PRDM5: variants seen among roughly 807,000 people sequenced by gnomAD.
PRDM5 encodes PR domain zinc finger protein 5.
Under a neutral mutation model 81.2 loss-of-function variants are expected in PRDM5, and 56 were observed. The ratio of observed to expected loss-of-function variants is 0.69; its 90% confidence interval spans 0.56 to 0.86. The LOEUF is 0.86. PRDM5 is among the 40% of genes least tolerant of loss of function. PRDM5 has a pLI of 0.00. For synonymous variants in PRDM5, 267 were observed against 256.4 expected (o/e 1.04, Z -0.39); for missense variants, 697 against 770.1 (o/e 0.91, Z 1.12).
At chr4:120,806,418 T>G (rs999412310) in intron 8 of PRDM5, among the ~76,000 whole-genome samples, 4 of 152,200 alleles carry the variant, frequency 2.6e-5, no homozygotes, top group Non-Finnish European at 5.9e-5. Flanking sequence ...AGAACAAAGC[T>G]GGAGGCATCA....
intron 13 of PRDM5, among the ~76,000 whole-genome samples, chr4:120,769,476 A>G (rs1746914533): frequency 6.6e-6 from 1 of 152,194 alleles, no homozygotes; most frequent in Non-Finnish European, 1.5e-5. Context: ...GCAGCCTGGA[A>G]TGTAAACAGT....
intron 7 of PRDM5, among the ~76,000 whole-genome samples, chr4:120,814,212 C>G (rs1754205660): frequency 6.6e-6 from 1 of 152,314 alleles, no homozygotes; most frequent in South Asian, 2.1e-4. Context: ...CCCCTTCACT[C>G]TGTTCCCTCT....
intron 14 of PRDM5, among the ~76,000 whole-genome samples, chr4:120,719,240 C>A (rs1738242622): frequency 6.6e-6 from 1 of 152,234 alleles, no homozygotes; most frequent in Non-Finnish European, 1.5e-5. Context: ...CAAACGTCCC[C>A]TGGGGGGCAA....
chr4:120,803,466 G>A (rs1752428842), intron 8 of PRDM5, among the ~76,000 whole-genome samples: 1 of 152,168 alleles, frequency 6.6e-6, no homozygotes, highest in South Asian at 2.1e-4. Context: ...GAAAGGTCGG[G>A]TTACCCAGAA....
At position 120,804,311 on chromosome 4, in the gene PRDM5, G is replaced by C. The variant is rs551134461; in HGVS notation, c.946-4566C>G. On this transcript the variant is annotated intron_variant, in intron 8 of 15. Transcript: ENST00000264808. ...GATCAATGAGACAGAAGTTAAAAAG[G>C]ATATCCAGGAATTGAACTCAGCTCT... Among the ~76,000 whole-genome samples, 387 of 152,234 alleles carry C rather than the reference G, an allele frequency of 2.5e-3. 1 individual carries two copies. Among genetic ancestry groups the C allele is most frequent in the African/African-American group, 8.9e-3 (371 of 41,534 alleles).
chr4:120,889,945 T>C (rs775777211), intron 2 of PRDM5, among the ~76,000 whole-genome samples: 2 of 152,222 alleles, frequency 1.3e-5, no homozygotes, highest in African/African-American at 2.4e-5. Flanking sequence ...TAGTCTACCA[T>C]TGATGGGCAT....
intron 2 of PRDM5, among the ~76,000 whole-genome samples, chr4:120,881,778 A>G (rs1279238804): frequency 6.6e-6 from 1 of 152,212 alleles, no homozygotes; most frequent in Non-Finnish European, 1.5e-5. Context: ...ACCTACTTGC[A>G]ATTTTTCAAA....
At chr4:120,709,191 G>A (rs1170437362) in intron 15 of PRDM5, among the ~76,000 whole-genome samples, 1 of 152,090 alleles carries the variant, frequency 6.6e-6, no homozygotes, top group East Asian at 1.9e-4. Context: ...TAATTTCTGG[G>A]CTGTATATCA....
intron 13 of PRDM5, among the ~76,000 whole-genome samples, chr4:120,755,846 C>T (rs967586303): frequency 5.3e-5 from 8 of 152,182 alleles, no homozygotes; most frequent in African/African-American, 1.9e-4. Flanking sequence ...GCGGTGTCCC[C>T]TGCCAAGCGA....
chr4:120,788,110 T>C (rs1031921353), intron 10 of PRDM5, among the ~76,000 whole-genome samples: 15 of 152,180 alleles, frequency 9.9e-5, no homozygotes. Flanking sequence ...TGCACATCCC[T>C]TGACTAACCA....
intron 1 of PRDM5, among the ~76,000 whole-genome samples, chr4:120,685,553 G>A (rs1261294310): frequency 6.6e-6 from 1 of 152,074 alleles, no homozygotes; most frequent in Non-Finnish European, 1.5e-5. Context: ...GGTGTAAGCT[G>A]GAATGCTGCG....
At position 120,922,593 on chromosome 4, in the gene PRDM5, C is replaced by T. The variant is rs757434338; in HGVS notation, c.16G>A (p.Val6Met). The T allele has an allele frequency of 9.9e-6, 16 of 1,608,556 alleles. No individual in the cohort carries two copies. The highest frequency in any genetic ancestry group is 6.7e-5 in the Admixed American group (4 of 59,662). MLGMY[V>M]PDRFSLKSSR... Reference sequence around the variant, plus strand: ...GACTTCAGGGAGAACCTGTCCGGCACGTACATGCCCAGCATTTTCCCGGGC... The same window carrying T: ...GACTTCAGGGAGAACCTGTCCGGCATGTACATGCCCAGCATTTTCCCGGGC... Residue 6 changes from valine to methionine, a missense_variant, in exon 1 of 16, where the codon GTG (valine) becomes ATG (methionine). Coordinates refer to ENST00000264808, the MANE Select transcript of PRDM5 (RefSeq NM_018699.4).
chr4:120,893,518 A>C (rs1764291287), intron 2 of PRDM5, among the ~76,000 whole-genome samples: 1 of 152,200 alleles, frequency 6.6e-6, no homozygotes, highest in Admixed American at 6.5e-5. Context: ...GCATATAGTT[A>C]ATTTGGTAAG....
intron 7 of PRDM5, among the ~76,000 whole-genome samples, chr4:120,811,675 G>C (rs1057477013): frequency 1.3e-5 from 2 of 151,856 alleles, no homozygotes; most frequent in African/African-American, 4.8e-5. Context: ...GTATATAGGG[G>C]AGCCTTCAGA....
At chr4:120,752,006 G>A (rs150762774) in intron 14 of PRDM5, among the ~76,000 whole-genome samples, 1 of 152,278 alleles carries the variant, frequency 6.6e-6, no homozygotes, top group African/African-American at 2.4e-5. Context: ...CTCATGTAAT[G>A]TGAATGCAAA....
In PRDM5 at chr4:120,794,621, T is replaced by C. The variant is rs1466499450; in HGVS notation, c.1188+3646A>G. On this transcript the variant is annotated intron_variant, in intron 10 of 15. Coordinates refer to ENST00000264808, the MANE Select transcript of PRDM5 (RefSeq NM_018699.4). The stretch of plus-strand genomic sequence containing the variant: ...ATGACCCTTTACTCTATATTTTATA[T>C]TCTACTTTTTTTTTTTTTTTAAGAC... Among the ~76,000 whole-genome samples, 3 of 151,340 alleles carry C rather than the reference T, an allele frequency of 2.0e-5. No individual in the cohort carries two copies. In the East Asian group the frequency reaches 5.8e-4, roughly 29 times the overall value.
At chr4:120,707,497 T>G (rs1199502463) in intron 15 of PRDM5, among the ~76,000 whole-genome samples, 1 of 151,446 alleles carries the variant, frequency 6.6e-6, no homozygotes, top group Non-Finnish European at 1.5e-5. Flanking sequence ...TGAAAAAGAA[T>G]GCAAAGAATA....
chr4:120,741,038 A>T (rs1480950531), intron 14 of PRDM5, among the ~76,000 whole-genome samples: 1 of 151,992 alleles, frequency 6.6e-6, no homozygotes, highest in Admixed American at 6.6e-5. Context: ...CACAACTCAA[A>T]TATCATCCTC....
chr4:120,848,706 A>C lies in PRDM5; in HGVS notation c.300+4712T>G, dbSNP rs143146951. Among the ~76,000 whole-genome samples the C allele has an allele frequency of 6.6e-5, 10 of 152,216 alleles. No homozygotes were observed. In the East Asian group the frequency reaches 1.9e-3, roughly 29 times the overall value. ...ACTTAAGAATATTCCTATAAATGCA[A>C]ATTTGCCCTGTCAATAAGCTACAAA... On this transcript the variant is annotated intron_variant, in intron 3 of 15. Coordinates refer to ENST00000264808, the MANE Select transcript of PRDM5 (RefSeq NM_018699.4).
Sources: gnomAD v4.1 joint callset for allele counts (sites outside exome capture counted in the v4.1 genomes callset) on GRCh38, gnomAD v4.1.1 for gene constraint, MANE v1.5 for transcripts, NCBI Gene and HGNC (gene_info 2026-07-23, HGNC 2026-07-21) for gene names.